The following EDAR variants were observed in gnomAD, a reference collection of about 807,000 sequenced individuals.
The protein encoded by EDAR is tumor necrosis factor receptor superfamily member EDAR.
In EDAR, 38 loss-of-function variants were observed where a neutral mutation model predicts 51.3. The observed-to-expected ratio is 0.74, with a 90% confidence interval of 0.57 to 0.97. The LOEUF is 0.97. EDAR is among the 50% of genes least tolerant of loss of function. EDAR has a pLI of 0.00. For synonymous variants in EDAR, 227 were observed against 242.1 expected, an observed-to-expected ratio of 0.94 and a Z score of 0.58; for missense variants, 528 against 595.0, an observed-to-expected ratio of 0.89 and a Z score of 1.17.
intron 1 of EDAR, among the ~76,000 whole-genome samples, chr2:108,965,901 A>C (rs5021634): frequency 6.6e-6 from 1 of 151,894 alleles, no homozygotes; most frequent in Admixed American, 6.6e-5. Context: ...AGGCAAAGAA[A>C]TATTTCCTGA....
At chr2:108,933,090 T>G (rs1025483639) in intron 1 of EDAR, among the ~76,000 whole-genome samples, 1 of 152,198 alleles carries the variant, frequency 6.6e-6, no homozygotes, top group Admixed American at 6.6e-5. Context: ...TTCAGTTTCC[T>G]GGAACACCAA....
chr2:108,972,515 G>T (rs1413678463), intron 1 of EDAR, among the ~76,000 whole-genome samples: 2 of 152,228 alleles, frequency 1.3e-5, no homozygotes. Flanking sequence ...AGGTCAGGCT[G>T]CAACGGGCCG....
At chr2:108,970,250 T>TTA (rs1465084345) in intron 1 of EDAR, among the ~76,000 whole-genome samples, 1 of 152,148 alleles carries the variant, frequency 6.6e-6, no homozygotes, top group East Asian at 1.9e-4. Flanking sequence ...CCCCAGGTGG[T>TTA]ACGCATTTGA....
chr2:108,976,089 T>C (rs974185805), intron 1 of EDAR, among the ~76,000 whole-genome samples: 4 of 152,358 alleles, frequency 2.6e-5, no homozygotes, highest in Non-Finnish European at 5.9e-5. Flanking sequence ...CTGAAGTTCA[T>C]ACATCTTCAG....
At chr2:108,923,737 C>T (rs1349094873) in intron 4 of EDAR, among the ~76,000 whole-genome samples, 1 of 152,202 alleles carries the variant, frequency 6.6e-6, no homozygotes, top group Admixed American at 6.5e-5. Context: ...AGTGTGTGTG[C>T]CATCACATCA....
chr2:108,896,709 T>C lies in EDAR; in HGVS notation c.*198A>G. 1.6e-6 allele frequency: 1 copy of C among 607,314 alleles called. No homozygotes were observed. Among genetic ancestry groups the C allele is most frequent in the Admixed American group, 2.9e-5 (1 of 33,944 alleles). The allele number at this position is 607,314 out of a possible 1,614,324, so 37.6% of individuals were successfully genotyped here. A position where few individuals can be genotyped will look rare whatever the true frequency, so the allele number is the denominator to read the frequency against. The stretch of plus-strand genomic sequence containing the variant: ...TGAGGTACAGGCGAGCATCTGAAAG[T>C]ATCCCGGCTCTAGTCCTTTATCTTT... On this transcript the variant is annotated 3_prime_UTR_variant, in exon 12 of 12. Transcript: ENST00000258443.
rs989041328 is a variant in EDAR at position 108,906,292 on chromosome 2, T to C, written c.1024+16A>G. The C allele has an allele frequency of 7.6e-7, 1 of 1,319,842 alleles. No individual in the cohort carries two copies. The highest frequency in any genetic ancestry group is 9.8e-7 in the Non-Finnish European group (1 of 1,019,088). The allele number at this position is 1,319,842 out of a possible 1,614,324, so 81.8% of individuals were successfully genotyped here. ...GGGGTGGGCACCACCTCTCCCAGGC[T>C]TTTTTTTCAGCTTACCTTCCACGAC... On this transcript the variant is annotated intron_variant, in intron 11 of 11. Coordinates refer to ENST00000258443, the MANE Select transcript of EDAR (RefSeq NM_022336.4).
chr2:108,952,395 T>C (rs1305669045), intron 1 of EDAR, among the ~76,000 whole-genome samples: 1 of 152,232 alleles, frequency 6.6e-6, no homozygotes, highest in Non-Finnish European at 1.5e-5. Flanking sequence ...TTCTGAATAA[T>C]GAGGACATGA....
In EDAR at chr2:108,923,380, T is replaced by TG; in HGVS notation, c.429dup (p.Asn144GlnfsTer111). ...CAAAGACACTCACATTCCTTGGTGT[T>TG]GGGGGGTGCCAGGAGGCAGGAGTAG... On this transcript the variant is annotated frameshift_variant, in exon 5 of 12. Transcript: ENST00000258443. LOFTEE classifies it high-confidence loss of function. 6.2e-7 allele frequency: 1 copy of TG among 1,614,110 alleles called. No individual in the cohort carries two copies. Among genetic ancestry groups the TG allele is most frequent in the East Asian group, 2.2e-5 (1 of 44,882 alleles).
intron 1 of EDAR, among the ~76,000 whole-genome samples, chr2:108,942,538 G>C (rs1299164426): frequency 1.3e-5 from 2 of 152,278 alleles, no homozygotes; most frequent in African/African-American, 4.8e-5. Context: ...GCAGGGGCCA[G>C]CGTCCCCGTC....
At chr2:108,942,020 C>G (rs1160097522) in intron 1 of EDAR, among the ~76,000 whole-genome samples, 2 of 152,216 alleles carry the variant, frequency 1.3e-5, no homozygotes, top group African/African-American at 4.8e-5. Context: ...GTGATGGAAA[C>G]TCCACAGGTG....
At chr2:108,916,339 C>T (rs568255908) in intron 5 of EDAR, among the ~76,000 whole-genome samples, 72 of 152,246 alleles carry the variant, frequency 4.7e-4, no homozygotes, top group African/African-American at 1.6e-3. Flanking sequence ...CTTCAGGTGA[C>T]AGGGTTGGGG....
chr2:108,906,309 T>C lies in EDAR; in HGVS notation c.1023A>G (p.Glu341=), dbSNP rs769100942. The part of the protein sequence containing the change: ...DVYANVCGVV[E]GLSPTELPFD... ...TCCCAGGCTTTTTTTTCAGCTTACC[T>C]TCCACGACTCCACACACGTTGGCAT... Residue 341 remains glutamate, a splice_region_variant and synonymous_variant, in exon 11 of 12, where the codon GAA becomes GAG. Coordinates refer to ENST00000258443, the MANE Select transcript of EDAR (RefSeq NM_022336.4). 1.2e-6 allele frequency: 2 copies of C among 1,614,146 alleles called. No homozygotes were observed. Among genetic ancestry groups the C allele is most frequent in the South Asian group, 2.2e-5 (2 of 91,084 alleles).
rs555565534 is a variant in EDAR, at chr2:108,964,307, A to T, written c.-19+24653T>A. Among the ~76,000 whole-genome samples the T allele has an allele frequency of 1.7e-3, 265 of 152,286 alleles. 4 individuals carry two copies. The highest frequency in any genetic ancestry group is 3.4e-3 in the Non-Finnish European group (233 of 68,000). ...ACCGGTGACCTGTGCTACAGCCAGA[A>T]GCCCCTGCCAGGTCATCTGGACTCC... On this transcript the variant is annotated intron_variant, in intron 1 of 11. Transcript: ENST00000258443.
Position 108,897,114 on chromosome 2 carries a change from G to A in EDAR, c.1140C>T (p.Ser380=), listed in dbSNP as rs772778887. 1.6e-5 allele frequency: 26 copies of A among 1,613,972 alleles called. No homozygotes were observed. Among genetic ancestry groups the A allele is most frequent in the Non-Finnish European group, 2.1e-5 (25 of 1,180,046 alleles). The part of the protein sequence containing the change: ...VVKTWRHLAE[S]FGLKRDEIGG... Reference sequence around the variant, plus strand: ...CAATCTCATCCCTCTTCAGGCCGAAGCTCTCGGCGAGGTGGCGCCACGTTT... The same window carrying A: ...CAATCTCATCCCTCTTCAGGCCGAAACTCTCGGCGAGGTGGCGCCACGTTT... The change falls in exon 12 of 12, where the codon AGC becomes AGT. Residue 380 remains serine, a synonymous_variant. Transcript: ENST00000258443.
chr2:108,924,604 C>A (rs2105434364), intron 4 of EDAR, among the ~76,000 whole-genome samples: 1 of 152,304 alleles, frequency 6.6e-6, no homozygotes, highest in African/African-American at 2.4e-5. Context: ...TGCTAAGCAG[C>A]AGCCTGGCAC....
intron 5 of EDAR, among the ~76,000 whole-genome samples, chr2:108,919,459 A>G (rs1432053027): frequency 1.3e-5 from 2 of 152,164 alleles, no homozygotes; most frequent in Non-Finnish European, 1.5e-5. Flanking sequence ...CCCAGGTTCC[A>G]GTGATTCTCC....
chr2:108,923,321 T>TCCGTGCTGAACAAATA (rs1229131486), intron 5 of EDAR, 47 bp downstream of exon 5: 3 of 1,571,960 alleles, frequency 1.9e-6, no homozygotes, highest in Non-Finnish European at 2.6e-6. Context: ...GTGAAAGGGA[T>TCCGTGCTGAACAAATA]CCGTGCTGAA....
intron 5 of EDAR, among the ~76,000 whole-genome samples, chr2:108,913,976 A>G (rs1174341365): frequency 6.7e-6 from 1 of 150,364 alleles, no homozygotes; most frequent in African/African-American, 2.4e-5. Context: ...AATCTAGAAA[A>G]GGGGCCGGGC....
Sources: allele counts gnomAD v4.1 joint callset (sites outside exome capture counted in the v4.1 genomes callset), GRCh38; gene constraint gnomAD v4.1.1; transcripts MANE v1.5; gene names NCBI Gene and HGNC (gene_info 2026-07-23, HGNC 2026-07-21).